Variants in FBN1 observed in about 807,000 individuals in gnomAD.
The protein encoded by FBN1 is fibrillin-1.
In FBN1, 29 loss-of-function variants were observed where a neutral mutation model predicts 365.1. That is an observed-to-expected ratio of 0.08 (90% CI 0.06 to 0.11). The LOEUF (loss-of-function observed/expected upper bound fraction) is 0.11. FBN1 is among the 10% of genes least tolerant of loss of function. FBN1 has a pLI of 1.00. For synonymous variants in FBN1, 1,210 were observed against 1,270.5 expected (o/e 0.95, Z 1.01); for missense variants, 2,476 against 3,703.2 (o/e 0.67, Z 8.60).
chr15:48,466,207 T>C (rs1407048406), intron 38 of FBN1, among the ~76,000 whole-genome samples: 1 of 152,236 alleles, frequency 6.6e-6, no homozygotes, highest in Non-Finnish European at 1.5e-5. Context: ...TTCATTTTTA[T>C]GTTCTGTTCA....
intron 17 of FBN1, among the ~76,000 whole-genome samples, chr15:48,499,401 C>T (rs973289763): frequency 1.3e-5 from 2 of 152,218 alleles, no homozygotes; most frequent in Non-Finnish European, 2.9e-5. Context: ...CTTTCTCCCA[C>T]CATCTTGGGG....
chr15:48,482,058 C>T (rs574916400), intron 31 of FBN1, among the ~76,000 whole-genome samples: 4 of 152,220 alleles, frequency 2.6e-5, no homozygotes, highest in African/African-American at 9.6e-5. Flanking sequence ...GTTTATGTGA[C>T]AGTCTAGAAA....
intron 34 of FBN1, among the ~76,000 whole-genome samples, chr15:48,473,398 T>C (rs934449351): frequency 1.3e-5 from 2 of 152,214 alleles, no homozygotes; most frequent in Non-Finnish European, 2.9e-5. Context: ...TAATGGATCT[T>C]ATTATTTTAT....
intron 5 of FBN1, among the ~76,000 whole-genome samples, chr15:48,597,681 T>C (rs1264552378): frequency 6.6e-6 from 1 of 152,234 alleles, no homozygotes; most frequent in African/African-American, 2.4e-5. Context: ...GACACAACCC[T>C]TTTTAACCAA....
chr15:48,468,025 C>T lies in FBN1; in HGVS notation c.4660G>A (p.Gly1554Arg). 6.2e-7 allele frequency: 1 copy of T among 1,614,130 alleles called. No homozygotes were observed. The highest frequency in any genetic ancestry group is 8.5e-7 in the Non-Finnish European group (1 of 1,179,990). ...CAGGAAGCTTTGGAAACACCAACTC[C>T]AATTTCATTGCTGCAGGCTGTATCT... ...NGDTACSNEI[G>R]VGVSKASCCC... The change falls in exon 38 of 66, where the codon GGA (glycine) becomes AGA (arginine). Residue 1554 changes from glycine (G) to arginine (R), a missense_variant. Gly to Arg is a moderately radical substitution (Grantham distance 125). Transcript: ENST00000316623.
intron 6 of FBN1, among the ~76,000 whole-genome samples, chr15:48,591,750 C>T (rs374657847): frequency 4.0e-5 from 6 of 151,270 alleles, no homozygotes; most frequent in Non-Finnish European, 5.9e-5. Context: ...TTCAGAGTTA[C>T]GAGTGGCCCC....
At chr15:48,589,466 C>T (rs561097086) in intron 6 of FBN1, among the ~76,000 whole-genome samples, 2 of 152,194 alleles carry the variant, frequency 1.3e-5, no homozygotes, top group African/African-American at 4.8e-5. Flanking sequence ...GTGTGTGTGT[C>T]AAAAGATGCA....
chr15:48,491,510 C>G (rs987585462), intron 24 of FBN1, among the ~76,000 whole-genome samples: 5 of 152,150 alleles, frequency 3.3e-5, no homozygotes, highest in Admixed American at 2.6e-4. Context: ...GCCACCGTGC[C>G]TGGCTACTTT....
At chr15:48,629,877 G>A (rs1015035551) in intron 2 of FBN1, among the ~76,000 whole-genome samples, 4 of 152,122 alleles carry the variant, frequency 2.6e-5, no homozygotes, top group South Asian at 2.1e-4. Context: ...TTCTGTTTTC[G>A]TTCACTTGAA....
rs1046715616 is a variant in FBN1 at position 48,502,304 on chromosome 15, C to T, written c.2113+1483G>A. On this transcript the variant is annotated intron_variant, in intron 17 of 65. Coordinates refer to ENST00000316623, the MANE Select transcript of FBN1 (RefSeq NM_000138.5). ...CAAGTGATACACCTGCCTTGGCCTC[C>T]CATAGTGCTGGGATTACAGGTGTGA... 2.0e-5 allele frequency among the ~76,000 whole-genome samples: 3 copies of T among 152,332 alleles called. No homozygotes were observed. The East Asian group carries it at 5.8e-4, about 29-fold the overall frequency.
intron 32 of FBN1, 58 bp downstream of exon 32, chr15:48,481,591 CTATAAT>C: frequency 1.3e-6 from 2 of 1,504,744 alleles, no homozygotes; most frequent in Non-Finnish European, 1.8e-6. Context: ...ATGTATCAAT[CTATAAT>C]TATGATACCA....
intron 64 of FBN1, among the ~76,000 whole-genome samples, chr15:48,414,522 G>C (rs2141213462): frequency 6.6e-6 from 1 of 152,240 alleles, no homozygotes; most frequent in East Asian, 1.9e-4. Context: ...GGACACCCGA[G>C]TCCAGATTAA....
chr15:48,428,562 C>T (rs1403787044), intron 56 of FBN1, 91 bp from the exon 57 acceptor site: 3 of 1,408,060 alleles, frequency 2.1e-6, no homozygotes, highest in African/African-American at 2.8e-5. Context: ...CTTCCTTCCT[C>T]CCTCCCTCCT....
intron 23 of FBN1, among the ~76,000 whole-genome samples, chr15:48,493,716 G>C (rs1362812566): frequency 2.6e-5 from 4 of 152,200 alleles, no homozygotes; most frequent in Non-Finnish European, 1.5e-5. Context: ...GTCAGGTTGT[G>C]TTAGTCACCA....
In FBN1 at chr15:48,468,115, T is replaced by C. The variant is rs2043338528; in HGVS notation, c.4583-13A>G. On this transcript the variant is annotated splice_polypyrimidine_tract_variant and intron_variant, in intron 37 of 65. Transcript: ENST00000316623. ...CCAGAGCGGGTATCTATTTACCATA[T>C]ACAAACACAAAAGCATCAGGCAGAA... 1.2e-6 allele frequency: 2 copies of C among 1,613,924 alleles called. No homozygotes were observed. Among genetic ancestry groups the C allele is most frequent in the Non-Finnish European group, 1.7e-6 (2 of 1,179,954 alleles).
intron 62 of FBN1, 70 bp from the exon 63 acceptor site, chr15:48,420,876 A>C: frequency 6.3e-7 from 1 of 1,582,930 alleles, no homozygotes; most frequent in South Asian, 1.1e-5. Context: ...GATTCTAATA[A>C]GAAATCTGGC....
At position 48,516,229 on chromosome 15, in the gene FBN1, G is replaced by C. The variant is rs759949880; in HGVS notation, c.1281C>G (p.Val427=). ...ACAGATATTCCACTGGTGGTCGAGGGACCGGAATTTGAGGTCCAGGAGGAA... is the reference window on the plus strand; with the variant it reads ...ACAGATATTCCACTGGTGGTCGAGGCACCGGAATTTGAGGTCCAGGAGGAA... ...PGFPPGPQIP[V]PRPPVEYLYP... The change falls in exon 11 of 66, where the codon GTC becomes GTG. Residue 427 remains valine, a synonymous_variant. Transcript: ENST00000316623. 6.2e-7 allele frequency: 1 copy of C among 1,613,792 alleles called. No individual in the cohort carries two copies. The highest frequency in any genetic ancestry group is 1.7e-5 in the Admixed American group (1 of 60,000).
chr15:48,428,301 G>A (rs1364362635), intron 57 of FBN1, 45 bp downstream of exon 57: 2 of 1,608,242 alleles, frequency 1.2e-6, no homozygotes, highest in Non-Finnish European at 1.7e-6. Flanking sequence ...CAGCATCCCA[G>A]TGTGGAGGCT....
chr15:48,485,763 C>G (rs1282530095), intron 29 of FBN1, among the ~76,000 whole-genome samples: 1 of 152,162 alleles, frequency 6.6e-6, no homozygotes, highest in African/African-American at 2.4e-5. Context: ...ATCCTGGCTT[C>G]TTGATATTGG....
Sources: gnomAD v4.1 joint callset for allele counts (sites outside exome capture counted in the v4.1 genomes callset) on GRCh38, gnomAD v4.1.1 for gene constraint, MANE v1.5 for transcripts, NCBI Gene and HGNC (gene_info 2026-07-23, HGNC 2026-07-21) for gene names.